Variants in PLEKHM3 observed in about 807,000 individuals in gnomAD.
PLEKHM3 encodes pleckstrin homology domain-containing family M member 3.
In PLEKHM3, 45 loss-of-function variants were observed where a neutral mutation model predicts 81.8. The ratio of observed to expected loss-of-function variants is 0.55; its 90% confidence interval spans 0.43 to 0.71. The LOEUF (loss-of-function observed/expected upper bound fraction) is 0.71. Ranked by LOEUF, PLEKHM3 falls within the 30% of genes least tolerant of loss-of-function variation. PLEKHM3 has a pLI of 0.00. For missense variants in PLEKHM3, 788 were observed against 924.3 expected (o/e 0.85, Z 1.91); for synonymous variants, 352 against 356.4 (o/e 0.99, Z 0.14).
At chr2:207,919,350 G>T (rs1689107048) in intron 5 of PLEKHM3, among the ~76,000 whole-genome samples, 1 of 152,110 alleles carries the variant, frequency 6.6e-6, no homozygotes, top group Admixed American at 6.6e-5. Context: ...TATGCCCTGG[G>T]CTTTTACTTG....
At position 207,825,901 on chromosome 2, in the gene PLEKHM3, G is replaced by A. The variant is rs1452768432; in HGVS notation, c.*2418C>T. The A allele has an allele frequency of 6.6e-6, 1 of 152,222 alleles. No homozygotes were observed. The highest frequency in any genetic ancestry group is 1.5e-5 in the Non-Finnish European group (1 of 68,034). The allele number at this position is 152,222 out of a possible 1,614,324, so 9.4% of individuals were successfully genotyped here. Reference sequence around the variant, plus strand: ...ACAGGGACTGCTCGTATTTAGCAGGGCCCTCTAAATGGGGACTGGTGAAAA... The same window carrying A: ...ACAGGGACTGCTCGTATTTAGCAGGACCCTCTAAATGGGGACTGGTGAAAA... On this transcript the variant is annotated 3_prime_UTR_variant, in exon 8 of 8. Coordinates refer to ENST00000427836, the MANE Select transcript of PLEKHM3 (RefSeq NM_001080475.3).
chr2:208,024,922 A>G (rs1004982374), intron 1 of PLEKHM3, among the ~76,000 whole-genome samples: 5 of 152,214 alleles, frequency 3.3e-5, no homozygotes, highest in African/African-American at 7.2e-5. Context: ...TTTTAGCTTA[A>G]TAATTCTTTC....
intron 3 of PLEKHM3, among the ~76,000 whole-genome samples, chr2:207,956,633 C>A (rs1009403723): frequency 6.6e-6 from 1 of 151,304 alleles, no homozygotes; most frequent in African/African-American, 2.4e-5. Flanking sequence ...GCAGCCTCAA[C>A]CCCCTGGGCT....
chr2:207,865,675 G>A (rs1227108961), intron 6 of PLEKHM3, among the ~76,000 whole-genome samples: 3 of 148,008 alleles, frequency 2.0e-5, no homozygotes, highest in African/African-American at 5.0e-5. Flanking sequence ...AGCTACTCGG[G>A]AAGCTAAGGA....
At chr2:207,993,814 T>C (rs1338649049) in intron 2 of PLEKHM3, among the ~76,000 whole-genome samples, 1 of 152,182 alleles carries the variant, frequency 6.6e-6, no homozygotes, top group Admixed American at 6.6e-5. Context: ...CAGAGCTCTG[T>C]AGCTAATGCA....
At chr2:207,964,207 G>A (rs1040376934) in intron 3 of PLEKHM3, among the ~76,000 whole-genome samples, 35 of 150,670 alleles carry the variant, frequency 2.3e-4, no homozygotes, top group Admixed American at 1.1e-3. Context: ...GTGAGACTCC[G>A]TCTCAAAAAA....
Position 207,976,540 on chromosome 2 carries a change from A to G in PLEKHM3, c.1546+111T>C. ...CTTCTCGAGGAGAGATACTTTTTAT[A>G]AACAGGAGATAGCTGTGACTAGCCT... On this transcript the variant is annotated intron_variant, in intron 3 of 7. Transcript: ENST00000427836. The surrounding 1 kb of genome is among the most constrained non-coding windows in gnomAD (Gnocchi z 4.1). 1 of 1,031,578 alleles carries G rather than the reference A, an allele frequency of 9.7e-7. No individual in the cohort carries two copies. The highest frequency in any genetic ancestry group is 1.4e-6 in the Non-Finnish European group (1 of 721,008). 63.9% of individuals were successfully genotyped at this position (1,031,578 alleles called of 1,614,324 possible). A position where few individuals can be genotyped will look rare whatever the true frequency, so the allele number is the denominator to read the frequency against.
chr2:207,943,144 C>T (rs1488171459), intron 4 of PLEKHM3, among the ~76,000 whole-genome samples: 1 of 152,068 alleles, frequency 6.6e-6, no homozygotes, highest in Non-Finnish European at 1.5e-5. Flanking sequence ...TAGTTCATAA[C>T]AATTTATTGT....
chr2:207,862,769 AT>A (rs943568790), intron 6 of PLEKHM3, among the ~76,000 whole-genome samples: 4 of 152,260 alleles, frequency 2.6e-5, no homozygotes, highest in African/African-American at 9.6e-5. Flanking sequence ...ACTACAAAAA[AT>A]GTAATCATGC....
intron 1 of PLEKHM3, among the ~76,000 whole-genome samples, chr2:208,010,927 T>C (rs1438198370): frequency 6.6e-6 from 1 of 152,002 alleles, no homozygotes; most frequent in Non-Finnish European, 1.5e-5. Context: ...ATGCATGGTT[T>C]AGAATAAAGT....
At chr2:208,006,570 C>G (rs1692500009) in intron 1 of PLEKHM3, among the ~76,000 whole-genome samples, 1 of 152,176 alleles carries the variant, frequency 6.6e-6, no homozygotes, top group South Asian at 2.1e-4. Context: ...GGATCATTCA[C>G]TAGGTAGCTG....
chr2:207,931,605 AC>A (rs1689600584), intron 4 of PLEKHM3, among the ~76,000 whole-genome samples: 1 of 152,254 alleles, frequency 6.6e-6, no homozygotes, highest in Non-Finnish European at 1.5e-5. Context: ...ATTTTTAAAA[AC>A]GTCATAAATT....
chr2:207,834,905 T>A (rs2092309995), intron 7 of PLEKHM3, among the ~76,000 whole-genome samples: 1 of 152,132 alleles, frequency 6.6e-6, no homozygotes, highest in East Asian at 1.9e-4. Context: ...AATAAATTGC[T>A]TTTATGCAAC....
intron 7 of PLEKHM3, among the ~76,000 whole-genome samples, chr2:207,848,860 T>C (rs1274092824): frequency 6.6e-6 from 1 of 152,222 alleles, no homozygotes; most frequent in African/African-American, 2.4e-5. Context: ...GCCAGATGGA[T>C]GAAAGCAATG....
chr2:207,901,700 G>A (rs1023853744), intron 6 of PLEKHM3, among the ~76,000 whole-genome samples: 2 of 152,178 alleles, frequency 1.3e-5, no homozygotes, highest in Admixed American at 6.5e-5. Context: ...TCCCCAGCAA[G>A]ATCTTAGCCT....
At chr2:207,877,350 T>C (rs1187522828) in intron 6 of PLEKHM3, among the ~76,000 whole-genome samples, 1 of 152,182 alleles carries the variant, frequency 6.6e-6, no homozygotes, top group African/African-American at 2.4e-5. Flanking sequence ...CTAGCTTCTC[T>C]GAAACACCAG....
At position 207,951,164 on chromosome 2, in the gene PLEKHM3, T is replaced by C. The variant is rs185757259; in HGVS notation, c.1547-4652A>G. On this transcript the variant is annotated intron_variant, in intron 3 of 7. Transcript: ENST00000427836. ...CACAATCTGGGATTTTACTTTATCA[T>C]TGTGGGGTTTTTAACAGGGAAAATT... 2.6e-3 allele frequency among the ~76,000 whole-genome samples: 396 copies of C among 152,330 alleles called. 2 individuals carry two copies. In the Middle Eastern group the frequency reaches 0.041, roughly 16 times the overall value.
intron 6 of PLEKHM3, among the ~76,000 whole-genome samples, chr2:207,895,656 C>G (rs1688200103): frequency 6.6e-6 from 1 of 152,218 alleles, no homozygotes; most frequent in East Asian, 1.9e-4. Flanking sequence ...TGTTGTTAGC[C>G]CAAACACAAA....
chr2:207,880,808 A>AAAAAAACC (rs2092587314), intron 6 of PLEKHM3, among the ~76,000 whole-genome samples: 1 of 143,966 alleles, frequency 6.9e-6, no homozygotes, highest in African/African-American at 2.6e-5. Context: ...CAAACAAACA[A>AAAAAAACC]AAAAAAACAA....
Sources: gnomAD v4.1 joint callset for allele counts (sites outside exome capture counted in the v4.1 genomes callset) on GRCh38, gnomAD v4.1.1 for gene constraint, Gnocchi (gnomAD v3.1) non-coding constraint, MANE v1.5 for transcripts, NCBI Gene and HGNC (gene_info 2026-07-23, HGNC 2026-07-21) for gene names.